TMEM74: variants seen among roughly 807,000 people sequenced by gnomAD.
The protein encoded by TMEM74 is transmembrane protein 74.
TMEM74 carries 13 observed loss-of-function variants against 18.1 expected under a neutral mutation model. The ratio of observed to expected loss-of-function variants is 0.72; its 90% CI spans 0.47 to 1.14. The LOEUF (loss-of-function observed/expected upper bound fraction) is 1.14. Ranked by LOEUF, TMEM74 falls within the 50% of genes most tolerant of loss-of-function variation. The pLI is 0.00. For synonymous variants in TMEM74, 159 were observed against 146.6 expected (o/e 1.08, Z -0.61); for missense variants, 372 against 375.9 (o/e 0.99, Z 0.09).
chr8:108,778,987 T>TTG lies in TMEM74; in HGVS notation c.*5193_*5194insCA, dbSNP rs1814270064. On this transcript the variant is annotated 3_prime_UTR_variant, in exon 2 of 2. Transcript: ENST00000297459. ...GACAAACCTAAATTAGGGGTAAATA[T>TTG]TCATTTTAATTTTTTTGGACAAATA... Among the ~76,000 whole-genome samples, 1 of 152,206 alleles carries TTG rather than the reference T, an allele frequency of 6.6e-6. No homozygotes were observed. The highest frequency in any genetic ancestry group is 2.4e-5 in the African/African-American group (1 of 41,460).
rs905553297 is a variant in TMEM74, at chr8:108,756,494, T to C, written n.119+30982A>G. ...TCAAATCAACCTGTTCACTCCTTTA[T>C]AACCTAAGATGCATATCCGCAAATT... On this transcript the variant is annotated intron_variant and non_coding_transcript_variant, in intron 1 of 3. Transcript: ENST00000518838. 8.2e-5 allele frequency among the ~76,000 whole-genome samples: 12 copies of C among 146,852 alleles called. No individual in the cohort carries two copies. In the South Asian group the frequency reaches 2.6e-3, roughly 31 times the overall value.
At chr8:108,778,077 TA>T (rs1814252688), downstream of TMEM74, among the ~76,000 whole-genome samples, 1 of 152,174 alleles carries the variant, frequency 6.6e-6, no homozygotes, top group Admixed American at 6.5e-5. Flanking sequence ...GTATTAATAT[TA>T]AATTGATCAA....
At chr8:108,696,962 G>A (rs1297820358) in intron 1 of TMEM74, among the ~76,000 whole-genome samples, 1 of 152,302 alleles carries the variant, frequency 6.6e-6, no homozygotes, top group South Asian at 2.1e-4. Flanking sequence ...TCTGCGGCTA[G>A]TCCAGCAGAT....
At chr8:108,659,380 T>C (rs943073563) in intron 1 of TMEM74, among the ~76,000 whole-genome samples, 5 of 152,144 alleles carry the variant, frequency 3.3e-5, no homozygotes, top group African/African-American at 7.2e-5. Context: ...CTTCTTTGTT[T>C]CCTATGAAAT....
chr8:108,637,432 T>G (rs1812618001), intron 2 of TMEM74, among the ~76,000 whole-genome samples: 1 of 152,116 alleles, frequency 6.6e-6, no homozygotes, highest in Admixed American at 6.6e-5. Context: ...GCTGAAGTGA[T>G]GAAGTATCTT....
chr8:108,736,131 CT>C (rs1813747658), intron 1 of TMEM74, among the ~76,000 whole-genome samples: 1 of 151,992 alleles, frequency 6.6e-6, no homozygotes, highest in Non-Finnish European at 1.5e-5. Context: ...CTGTTTGTCT[CT>C]AAAAAAACTG....
chr8:108,612,730 C>A (rs1415810964), intron 2 of TMEM74, among the ~76,000 whole-genome samples: 1 of 152,158 alleles, frequency 6.6e-6, no homozygotes, highest in Non-Finnish European at 1.5e-5. Context: ...TCAGCTCTCT[C>A]GTTTTAAGAT....
chr8:108,608,539 G>C (rs1193700602), intron 3 of TMEM74, among the ~76,000 whole-genome samples: 1 of 152,134 alleles, frequency 6.6e-6, no homozygotes, highest in Non-Finnish European at 1.5e-5. Context: ...CAAGCCTTTG[G>C]AGTAGAGTTT....
chr8:108,695,596 C>A (rs1046016363), intron 1 of TMEM74, among the ~76,000 whole-genome samples: 5 of 152,144 alleles, frequency 3.3e-5, no homozygotes, highest in African/African-American at 1.2e-4. Flanking sequence ...TAGCAAGTAG[C>A]TGAGCCAGGA....
chr8:108,722,347 T>TGGATCTTTC (rs1813593672), intron 1 of TMEM74, among the ~76,000 whole-genome samples: 1 of 152,324 alleles, frequency 6.6e-6, no homozygotes, highest in Admixed American at 6.5e-5. Context: ...CAACTAACCC[T>TGGATCTTTC]GGATCTTTCA....
chr8:108,618,297 G>A (rs934855795), intron 2 of TMEM74, among the ~76,000 whole-genome samples: 1 of 152,088 alleles, frequency 6.6e-6, no homozygotes, highest in Non-Finnish European at 1.5e-5. Flanking sequence ...TTTGTTGGTG[G>A]GGATTCTGAC....
Position 108,779,623 on chromosome 8 carries a change from T to C in TMEM74, c.*4558A>G, listed in dbSNP as rs1814278466. ...CATTCTGAGGCTGATTCCAAATTCT[T>C]CATTCATGACTTGTGAAAGACTTCT... On this transcript the variant is annotated 3_prime_UTR_variant, in exon 2 of 2. Coordinates refer to ENST00000297459, the MANE Select transcript of TMEM74 (RefSeq NM_153015.3). Among the ~76,000 whole-genome samples the C allele has an allele frequency of 6.6e-6, 1 of 152,214 alleles. No individual in the cohort carries two copies. The highest frequency in any genetic ancestry group is 6.5e-5 in the Admixed American group (1 of 15,274).
intron 1 of TMEM74, among the ~76,000 whole-genome samples, chr8:108,677,949 A>T (rs1813070652): frequency 6.6e-6 from 1 of 152,066 alleles, no homozygotes; most frequent in Non-Finnish European, 1.5e-5. Context: ...TCTATTACTA[A>T]CTTGTAGTGA....
intron 2 of TMEM74, among the ~76,000 whole-genome samples, chr8:108,621,555 A>C (rs34586252): frequency 1.3e-5 from 2 of 152,168 alleles, no homozygotes; most frequent in African/African-American, 4.8e-5. Flanking sequence ...GCAGGGTATC[A>C]GCTGCGTCTG....
At chr8:108,726,088 C>T (rs1475913081) in intron 1 of TMEM74, among the ~76,000 whole-genome samples, 1 of 152,146 alleles carries the variant, frequency 6.6e-6, no homozygotes. Flanking sequence ...TTGATTGGGC[C>T]TGCTTCTTGT....
chr8:108,630,925 A>G (rs1812546161), intron 2 of TMEM74, among the ~76,000 whole-genome samples: 1 of 152,042 alleles, frequency 6.6e-6, no homozygotes, highest in African/African-American at 2.4e-5. Context: ...CAAGGCAGGA[A>G]CCAGCCCTGG....
At chr8:108,702,265 A>C (rs1272505938) in intron 1 of TMEM74, among the ~76,000 whole-genome samples, 3 of 151,562 alleles carry the variant, frequency 2.0e-5, no homozygotes, top group Non-Finnish European at 1.5e-5. Flanking sequence ...GAATTGCTTG[A>C]ACCTGGGAGG....
At chr8:108,643,827 A>C (rs1812690164) in intron 2 of TMEM74, among the ~76,000 whole-genome samples, 2 of 152,166 alleles carry the variant, frequency 1.3e-5, no homozygotes, top group Non-Finnish European at 2.9e-5. Flanking sequence ...AGAACTATAA[A>C]ACACTGCTGA....
At chr8:108,748,476 A>G (rs1305766210) in intron 1 of TMEM74, among the ~76,000 whole-genome samples, 1 of 152,098 alleles carries the variant, frequency 6.6e-6, no homozygotes, top group Non-Finnish European at 1.5e-5. Context: ...GACGTTTGTC[A>G]CATGGATAGA....
Sources: allele counts gnomAD v4.1 joint callset (sites outside exome capture counted in the v4.1 genomes callset), GRCh38; gene constraint gnomAD v4.1.1; transcripts MANE v1.5; gene names NCBI Gene and HGNC (gene_info 2026-07-23, HGNC 2026-07-21).